CBLN2: variants seen among roughly 807,000 people sequenced by gnomAD.
The protein encoded by CBLN2 is cerebellin 2 precursor, also known as cerebellin-2.
Under a neutral mutation model 15.0 loss-of-function variants are expected in CBLN2, and 7 were observed. The observed-to-expected ratio is 0.47, with a 90% confidence interval of 0.27 to 0.88. The LOEUF (loss-of-function observed/expected upper bound fraction) is 0.88. CBLN2 is among the 40% of genes least tolerant of loss of function. The probability of loss-of-function intolerance (pLI) is 0.14; values close to 1 mark genes in which losing one functional copy is unlikely to be tolerated. For missense variants in CBLN2, 242 were observed against 304.5 expected (o/e 0.79, Z 1.53); for synonymous variants, 149 against 135.2 (o/e 1.10, Z -0.71).
chr18:72,614,450 C>T (rs747780813), intron 1 of CBLN2, among the ~76,000 whole-genome samples: 2 of 152,018 alleles, frequency 1.3e-5, no homozygotes, highest in Non-Finnish European at 2.9e-5. Context: ...AACAGAATTG[C>T]AAAATAATTT....
chr18:72,601,949 A>G (rs1038712542), intron 1 of CBLN2, among the ~76,000 whole-genome samples: 1 of 152,180 alleles, frequency 6.6e-6, no homozygotes, highest in Non-Finnish European at 1.5e-5. Context: ...TAGAGCAGCC[A>G]GTTTACAGCC....
At chr18:72,612,943 T>C (rs2069632313) in intron 1 of CBLN2, among the ~76,000 whole-genome samples, 1 of 152,174 alleles carries the variant, frequency 6.6e-6, no homozygotes, top group African/African-American at 2.4e-5. Context: ...GTCAGTAGGG[T>C]TGGTTCTTCC....
upstream of CBLN2, among the ~76,000 whole-genome samples, chr18:72,547,449 T>A (rs2069165879): frequency 6.6e-6 from 1 of 152,184 alleles, no homozygotes; most frequent in Non-Finnish European, 1.5e-5. Context: ...ATGTACCCCC[T>A]AAATCTATTT....
chr18:72,574,214 T>C (rs537205143), intron 1 of CBLN2, among the ~76,000 whole-genome samples: 4 of 152,342 alleles, frequency 2.6e-5, no homozygotes, highest in African/African-American at 9.6e-5. Flanking sequence ...TTTGCAAATA[T>C]TTTCTTTCAA....
In CBLN2 at chr18:72,542,019, G is replaced by A; in HGVS notation, c.142C>T (p.Pro48Ser). 6.3e-7 allele frequency: 1 copy of A among 1,596,212 alleles called. No individual in the cohort carries two copies. Among genetic ancestry groups the A allele is most frequent in the Non-Finnish European group, 8.5e-7 (1 of 1,177,658 alleles). ...TCCGTGTCGTTCTGCGCCCGCACGG[G>A]GCAGCAGGCGGGCAGTAGCAGCAAC... ...LLLLLLPACCPVRAQNDTEPI... is the reference protein window; with the variant it reads ...LLLLLLPACCSVRAQNDTEPI... The change falls in exon 3 of 5, where the codon CCC (proline) becomes TCC (serine). Residue 48 changes from proline (P) to serine (S), a missense_variant. By Grantham distance (74) the Pro-to-Ser change is moderately conservative (BLOSUM62 -1). This residue lies in a region of CBLN2 where 96 missense variants were observed against 83.8 expected (regional missense o/e 1.15). Coordinates refer to ENST00000269503, the MANE Select transcript of CBLN2 (RefSeq NM_182511.4).
At chr18:72,619,955 G>A (rs2069688761) in intron 1 of CBLN2, among the ~76,000 whole-genome samples, 1 of 152,210 alleles carries the variant, frequency 6.6e-6, no homozygotes, top group African/African-American at 2.4e-5. Context: ...GCATTGGCAG[G>A]AACAAACTTC....
intron 1 of CBLN2, among the ~76,000 whole-genome samples, chr18:72,601,390 G>A (rs368149984): frequency 7.2e-5 from 11 of 152,046 alleles, no homozygotes; most frequent in African/African-American, 2.7e-4. Flanking sequence ...TAGATAGAAA[G>A]GTTGAGGGTA....
rs1252687468 is a variant in CBLN2, at chr18:72,544,175, G to A, written c.-410C>T. 6.6e-6 allele frequency: 1 copy of A among 151,086 alleles called. No homozygotes were observed. The highest frequency in any genetic ancestry group is 2.4e-5 in the African/African-American group (1 of 41,104). The allele number at this position is 151,086 out of a possible 1,614,324, so 9.4% of individuals were successfully genotyped here. On this transcript the variant is annotated 5_prime_UTR_variant, in exon 1 of 5. Transcript: ENST00000269503. ...AAGTTAAAAAAAAAAAAAAGAAGAAGAAGACTGGGATGGCTGGGACGAAGA... is the reference window on the plus strand; with the variant it reads ...AAGTTAAAAAAAAAAAAAAGAAGAAAAAGACTGGGATGGCTGGGACGAAGA...
Position 72,542,076 on chromosome 18 carries a change from C to G in CBLN2, c.85G>C (p.Gly29Arg), listed in dbSNP as rs770238391. Residue 29 changes from glycine (G) to arginine (R), a missense_variant, in exon 3 of 5, where the codon GGA becomes CGA. Gly to Arg is a moderately radical substitution (Grantham distance 125, BLOSUM62 -2). Transcript: ENST00000269503. ...GCCAGCGCCACCCCCAGGCAGGATC[C>G]GCAGCCGCCCGGCTCGCGCAGCGCC... The part of the protein sequence containing the change: ...RGALREPGGC[G>R]SCLGVALALL... 3.2e-6 allele frequency: 5 copies of G among 1,551,332 alleles called. No individual in the cohort carries two copies. The East Asian group carries it at 1.3e-4, about 40-fold the overall frequency.
chr18:72,598,053 A>C (rs2069524521), intron 1 of CBLN2, among the ~76,000 whole-genome samples: 1 of 152,178 alleles, frequency 6.6e-6, no homozygotes, highest in Non-Finnish European at 1.5e-5. Context: ...CTGATCTAGT[A>C]CCCAAGCTTC....
At chr18:72,552,953 C>T (rs593662) in intron 1 of CBLN2, among the ~76,000 whole-genome samples, 120,478 of 152,152 alleles carry the variant, frequency 0.79, 53,022 homozygotes, top group Non-Finnish European at 0.98. Flanking sequence ...TACTATTATT[C>T]AATCCTATGT....
rs571055765 is a variant in CBLN2, at chr18:72,559,441, C to T, written c.16-20669G>A. 3.3e-5 allele frequency among the ~76,000 whole-genome samples: 5 copies of T among 152,250 alleles called. No individual in the cohort carries two copies. The South Asian group carries it at 6.2e-4, about 19-fold the overall frequency. On this transcript the variant is annotated intron_variant, in intron 1 of 2. Transcript: ENST00000581073. ...AGGCTCAGAGCACACATCCAAGTCG[C>T]GCCATTTTGGATTTGACTCTGTTGG...
chr18:72,608,933 AC>A (rs1181056139), intron 1 of CBLN2, among the ~76,000 whole-genome samples: 3 of 152,272 alleles, frequency 2.0e-5, no homozygotes, highest in African/African-American at 7.2e-5. Context: ...CATTTATAAA[AC>A]CATCAGATGT....
At chr18:72,561,241 C>A (rs1323832963) in intron 1 of CBLN2, among the ~76,000 whole-genome samples, 2 of 56,984 alleles carry the variant, frequency 3.5e-5, no homozygotes, top group African/African-American at 3.4e-5. Flanking sequence ...AAAACAACAA[C>A]CCAAAAAAAA....
chr18:72,548,070 T>C (rs975728259), upstream of CBLN2, among the ~76,000 whole-genome samples: 8 of 152,298 alleles, frequency 5.3e-5, no homozygotes, highest in Middle Eastern at 3.4e-3. Context: ...GGCTCTGTTT[T>C]TGAAGAAGCT....
At chr18:72,538,514 C>T (rs955062664) in intron 4 of CBLN2, 139 bp downstream of exon 4, 5 of 1,428,244 alleles carry the variant, frequency 3.5e-6, no homozygotes, top group Non-Finnish European at 4.9e-6. Flanking sequence ...TGAGCACTCC[C>T]AGCTAGTTCA....
intron 1 of CBLN2, among the ~76,000 whole-genome samples, chr18:72,568,484 T>G (rs1184947619): frequency 6.6e-6 from 1 of 152,000 alleles, no homozygotes; most frequent in Non-Finnish European, 1.5e-5. Flanking sequence ...GCAAAAATGA[T>G]TACTTATTAG....
At chr18:72,564,278 G>A (rs899378780) in intron 1 of CBLN2, among the ~76,000 whole-genome samples, 6 of 152,048 alleles carry the variant, frequency 3.9e-5, no homozygotes, top group Non-Finnish European at 7.4e-5. Context: ...AGATGCAAGA[G>A]AATGCACATA....
At chr18:72,573,219 G>C (rs899573929) in intron 1 of CBLN2, among the ~76,000 whole-genome samples, 5 of 152,302 alleles carry the variant, frequency 3.3e-5, no homozygotes, top group Non-Finnish European at 7.3e-5. Flanking sequence ...GGAGACAGAC[G>C]CAAGTTTTGT....
Sources: gnomAD v4.1 joint callset for allele counts (sites outside exome capture counted in the v4.1 genomes callset) on GRCh38, gnomAD v4.1.1 for gene constraint, gnomAD v4.1.1 regional missense constraint, MANE v1.5 for transcripts, NCBI Gene and HGNC (gene_info 2026-07-23, HGNC 2026-07-21) for gene names.